GPC5: variants seen among roughly 807,000 people sequenced by gnomAD.
GPC5 encodes glypican-5.
In GPC5, 47 loss-of-function variants were observed where a neutral mutation model predicts 53.9. That is an observed-to-expected ratio of 0.87 (90% CI 0.69 to 1.11). The LOEUF (loss-of-function observed/expected upper bound fraction) is 1.11, where lower values mean the gene tolerates loss of function less well. Ranked by LOEUF, GPC5 falls within the 50% of genes most tolerant of loss-of-function variation. GPC5 has a pLI of 0.00. For missense variants in GPC5, 748 were observed against 713.1 expected (o/e 1.05, Z -0.56); for synonymous variants, 286 against 263.3 (o/e 1.09, Z -0.84).
At chr13:91,579,850 C>G (rs920679197) in intron 2 of GPC5, among the ~76,000 whole-genome samples, 2 of 151,824 alleles carry the variant, frequency 1.3e-5, no homozygotes, top group African/African-American at 4.8e-5. Context: ...TGGTCTCGAA[C>G]TCCTGACCTC....
intron 7 of GPC5, among the ~76,000 whole-genome samples, chr13:92,422,809 T>C (rs1456806745): frequency 6.6e-6 from 1 of 152,230 alleles, no homozygotes; most frequent in African/African-American, 2.4e-5. Flanking sequence ...ACAAGCTATT[T>C]GATTACTTTA....
intron 7 of GPC5, among the ~76,000 whole-genome samples, chr13:92,519,666 A>G (rs1456086542): frequency 1.3e-5 from 2 of 152,212 alleles, no homozygotes; most frequent in Non-Finnish European, 2.9e-5. Context: ...AATGCCCACA[A>G]GAGAAAGCAG....
chr13:91,497,342 A>G, intron 2 of GPC5, among the ~76,000 whole-genome samples: 1 of 152,244 alleles, frequency 6.6e-6, no homozygotes, highest in East Asian at 1.9e-4. Flanking sequence ...TTTCTACTAA[A>G]AAGGAAAAAA....
At chr13:91,668,310 G>C (rs551328446) in intron 2 of GPC5, among the ~76,000 whole-genome samples, 1 of 152,278 alleles carries the variant, frequency 6.6e-6, no homozygotes, top group South Asian at 2.1e-4. Flanking sequence ...GTGCACATGC[G>C]TGTTTCTGTT....
chr13:91,749,565 G>C lies in GPC5; in HGVS notation c.1155-6730G>C, dbSNP rs908198621. Among the ~76,000 whole-genome samples, 22 of 152,132 alleles carry C rather than the reference G, an allele frequency of 1.4e-4. 1 individual carries two copies. Among genetic ancestry groups the C allele is most frequent in the Non-Finnish European group, 2.9e-4 (20 of 68,012 alleles). ...AAATAGTGGAATTGCTGGGATAGTG[G>C]AATTTCCAAATACCAAGTGGGATTT... is the stretch of plus-strand genomic sequence containing the variant. On this transcript the variant is annotated intron_variant, in intron 4 of 7. Coordinates refer to ENST00000377067, the MANE Select transcript of GPC5 (RefSeq NM_004466.6).
At chr13:91,907,799 C>T (rs2039570377) in intron 5 of GPC5, 138 bp from the exon 6 acceptor site, 2 of 730,100 alleles carry the variant, frequency 2.7e-6, no homozygotes, top group Non-Finnish European at 2.2e-6. Flanking sequence ...ACAGCTGTGC[C>T]AGTTTCTGTT....
chr13:92,764,806 T>C (rs1875328776), intron 7 of GPC5, among the ~76,000 whole-genome samples: 1 of 152,160 alleles, frequency 6.6e-6, no homozygotes, highest in Non-Finnish European at 1.5e-5. Context: ...GGCTTCTCAG[T>C]GGCCATTTTG....
chr13:92,218,460 A>G (rs2042426315), intron 7 of GPC5, among the ~76,000 whole-genome samples: 1 of 152,216 alleles, frequency 6.6e-6, no homozygotes, highest in South Asian at 2.1e-4. Context: ...TTAAGAAAGA[A>G]AAAAGTTTTC....
chr13:91,812,803 A>G (rs1322388055), intron 5 of GPC5, among the ~76,000 whole-genome samples: 7 of 152,226 alleles, frequency 4.6e-5, no homozygotes, highest in Non-Finnish European at 1.0e-4. Flanking sequence ...TTGGAGTAAC[A>G]TAAACCTCAA....
At chr13:92,663,268 T>G (rs564847257) in intron 7 of GPC5, among the ~76,000 whole-genome samples, 6 of 152,078 alleles carry the variant, frequency 3.9e-5, no homozygotes, top group African/African-American at 1.2e-4. Flanking sequence ...TTTAATGGTA[T>G]AAGAACATGA....
intron 7 of GPC5, among the ~76,000 whole-genome samples, chr13:92,402,585 T>C (rs1280363559): frequency 6.6e-6 from 1 of 152,200 alleles, no homozygotes; most frequent in African/African-American, 2.4e-5. Context: ...GATGAAGCTG[T>C]TCTGCCTCAG....
intron 2 of GPC5, among the ~76,000 whole-genome samples, chr13:91,586,122 A>T (rs1268059345): frequency 6.6e-6 from 1 of 151,292 alleles, no homozygotes; most frequent in African/African-American, 2.4e-5. Flanking sequence ...TTTAAAACTT[A>T]AATTAATTGC....
chr13:92,832,501 G>C (rs1429000165), intron 7 of GPC5, among the ~76,000 whole-genome samples: 1 of 151,942 alleles, frequency 6.6e-6, no homozygotes, highest in Non-Finnish European at 1.5e-5. Flanking sequence ...TTTTAAAATA[G>C]ACTACTGCTA....
intron 7 of GPC5, among the ~76,000 whole-genome samples, chr13:92,359,457 C>T (rs1011437301): frequency 7.3e-5 from 11 of 151,624 alleles, no homozygotes; most frequent in Non-Finnish European, 1.6e-4. Context: ...TACCTCTGCC[C>T]ATTACCCAGT....
At chr13:92,402,519 A>T (rs1332015319) in intron 7 of GPC5, among the ~76,000 whole-genome samples, 2 of 152,130 alleles carry the variant, frequency 1.3e-5, no homozygotes, top group Admixed American at 6.5e-5. Context: ...TTTGCACCTT[A>T]GGATTGTCAG....
chr13:91,939,121 T>C (rs1444747557), intron 6 of GPC5, among the ~76,000 whole-genome samples: 2 of 152,034 alleles, frequency 1.3e-5, no homozygotes, highest in African/African-American at 4.8e-5. Flanking sequence ...ATTTATATAA[T>C]TCTTAAGTGA....
At chr13:92,071,982 GTATATAT>G (rs2041215237) in intron 6 of GPC5, among the ~76,000 whole-genome samples, 1 of 144,548 alleles carries the variant, frequency 6.9e-6, no homozygotes, top group Admixed American at 7.0e-5. Flanking sequence ...ACATAAATAT[GTATATAT>G]TATTTATATG....
chr13:91,594,070 G>A (rs2032904988), intron 2 of GPC5, among the ~76,000 whole-genome samples: 1 of 152,128 alleles, frequency 6.6e-6, no homozygotes, highest in African/African-American at 2.4e-5. Flanking sequence ...TATATCCCAT[G>A]CTATAATCTT....
intron 5 of GPC5, among the ~76,000 whole-genome samples, chr13:91,875,500 A>G (rs1259918928): frequency 6.6e-6 from 1 of 152,172 alleles, no homozygotes. Flanking sequence ...ATACTACTTA[A>G]TAGGATGTTT....
Sources: allele counts gnomAD v4.1 joint callset (sites outside exome capture counted in the v4.1 genomes callset), GRCh38; gene constraint gnomAD v4.1.1; transcripts MANE v1.5; gene names NCBI Gene and HGNC (gene_info 2026-07-23, HGNC 2026-07-21).